Variants in XKR9 observed in about 807,000 individuals in gnomAD.
XKR9 encodes XK-related protein 9.
In XKR9, 32 loss-of-function variants were observed where a neutral mutation model predicts 32.0. The ratio of observed to expected loss-of-function variants is 1.00; its 90% confidence interval spans 0.76 to 1.34. The LOEUF (loss-of-function observed/expected upper bound fraction) is 1.34. XKR9 is among the 40% of genes most tolerant of loss of function. XKR9 has a pLI of 0.00. For missense variants in XKR9, 546 were observed against 429.7 expected (o/e 1.27, Z -2.39); for synonymous variants, 168 against 143.4 (o/e 1.17, Z -1.22).
the XKR9 span, among the ~76,000 whole-genome samples, chr8:70,984,280 G>A: frequency 1.3e-5 from 2 of 152,132 alleles, no homozygotes; most frequent in South Asian, 2.1e-4. Context: ...GCAGGTCAAG[G>A]GGGGCCCAGG....
intron 2 of XKR9, among the ~76,000 whole-genome samples, chr8:70,779,227 C>T (rs921146753): frequency 2.6e-5 from 4 of 151,864 alleles, no homozygotes; most frequent in African/African-American, 4.8e-5. Flanking sequence ...GGTTTTTTGT[C>T]GTTCTGTTTA....
the XKR9 span, among the ~76,000 whole-genome samples, chr8:70,958,436 C>T: frequency 1.3e-5 from 2 of 152,200 alleles, no homozygotes; most frequent in Non-Finnish European, 2.9e-5. Flanking sequence ...TTCTGATTTG[C>T]ATTTCTCTAA....
the XKR9 span, among the ~76,000 whole-genome samples, chr8:70,936,450 G>A: frequency 6.6e-6 from 1 of 152,028 alleles, no homozygotes. Context: ...TTAAATAAGA[G>A]ATTGAGTTAA....
the XKR9 span, among the ~76,000 whole-genome samples, chr8:71,045,672 G>C: frequency 6.6e-6 from 1 of 152,184 alleles, no homozygotes; most frequent in Admixed American, 6.5e-5. Flanking sequence ...ACCACAAGCC[G>C]AGTCATAGGC....
chr8:71,000,542 C>A, the XKR9 span, among the ~76,000 whole-genome samples: 18 of 152,108 alleles, frequency 1.2e-4, no homozygotes, highest in East Asian at 3.5e-3. Flanking sequence ...AACAAAAAGA[C>A]TGGATTATAT....
the XKR9 span, among the ~76,000 whole-genome samples, chr8:70,946,265 G>A: frequency 6.6e-6 from 1 of 151,990 alleles, no homozygotes; most frequent in Non-Finnish European, 1.5e-5. Context: ...TGTGCCTAGA[G>A]AACCCACATC....
At chr8:70,974,343 T>C in the XKR9 span, among the ~76,000 whole-genome samples, 1 of 151,986 alleles carries the variant, frequency 6.6e-6, no homozygotes, top group African/African-American at 2.4e-5. Flanking sequence ...GCTGCACCCA[T>C]TAACTCATCA....
chr8:70,959,057 A>G, the XKR9 span, among the ~76,000 whole-genome samples: 3 of 152,122 alleles, frequency 2.0e-5, no homozygotes, highest in Non-Finnish European at 4.4e-5. Flanking sequence ...TCTTTTAAGT[A>G]TACACTTTAA....
chr8:70,688,183 G>T (rs778536501), intron 3 of XKR9, among the ~76,000 whole-genome samples: 4 of 152,176 alleles, frequency 2.6e-5, no homozygotes, highest in African/African-American at 9.7e-5. Context: ...CTGTGGAAGT[G>T]GTGGTCAAAT....
chr8:70,991,242 A>C, the XKR9 span, among the ~76,000 whole-genome samples: 1 of 152,144 alleles, frequency 6.6e-6, no homozygotes, highest in Non-Finnish European at 1.5e-5. Flanking sequence ...CAAAGGGCCC[A>C]ATAAAGCAGC....
the XKR9 span, among the ~76,000 whole-genome samples, chr8:70,817,750 G>A: frequency 1.3e-5 from 2 of 151,946 alleles, no homozygotes; most frequent in Non-Finnish European, 2.9e-5. Context: ...GTATGCTACT[G>A]GTTAAAAAAC....
the XKR9 span, among the ~76,000 whole-genome samples, chr8:70,948,463 T>G: frequency 2.0e-5 from 3 of 152,084 alleles, no homozygotes; most frequent in African/African-American, 7.2e-5. Context: ...CCAGAATCAA[T>G]AGACCCACTG....
the XKR9 span, among the ~76,000 whole-genome samples, chr8:70,840,011 G>A: frequency 1.8e-4 from 28 of 152,234 alleles, no homozygotes; most frequent in African/African-American, 5.5e-4. Flanking sequence ...CCAACTCAGC[G>A]TGTTGTATAC....
chr8:70,989,453 G>T, the XKR9 span, among the ~76,000 whole-genome samples: 573 of 152,138 alleles, frequency 3.8e-3, 4 homozygotes, highest in Non-Finnish European at 6.8e-3. Context: ...ATGCTATTTT[G>T]TTCTTCTTAA....
chr8:70,980,521 A>T, the XKR9 span, among the ~76,000 whole-genome samples: 1 of 152,152 alleles, frequency 6.6e-6, no homozygotes. Context: ...GTGAGTCCTT[A>T]TGTGTTAGGT....
the XKR9 span, among the ~76,000 whole-genome samples, chr8:70,831,341 A>T: frequency 2.0e-4 from 31 of 151,950 alleles, no homozygotes; most frequent in Non-Finnish European, 3.4e-4. Context: ...TAAAATTTCA[A>T]ATTCTGTTGT....
intron 2 of XKR9, among the ~76,000 whole-genome samples, chr8:70,767,164 A>G (rs1477420839): frequency 1.3e-5 from 2 of 152,302 alleles, no homozygotes; most frequent in South Asian, 2.1e-4. Flanking sequence ...GAATAGTTTC[A>G]GAAGGAATGG....
At chr8:70,960,201 C>T in the XKR9 span, among the ~76,000 whole-genome samples, 9,332 of 151,914 alleles carry the variant, frequency 0.061, 387 homozygotes, top group Non-Finnish European at 0.084. Flanking sequence ...GCCGAGATCA[C>T]GCCATTGCAC....
the XKR9 span, among the ~76,000 whole-genome samples, chr8:71,055,752 A>C: frequency 1.3e-5 from 2 of 152,216 alleles, no homozygotes; most frequent in East Asian, 3.8e-4. Flanking sequence ...TTTAACTGAA[A>C]ATTAAAGTTT....
Sources: allele counts gnomAD v4.1 joint callset (sites outside exome capture counted in the v4.1 genomes callset), GRCh38; gene constraint gnomAD v4.1.1; transcripts MANE v1.5; gene names NCBI Gene and HGNC (gene_info 2026-07-23, HGNC 2026-07-21).